Variants in ANKRD44 observed in about 807,000 individuals in gnomAD.
The protein encoded by ANKRD44 is serine/threonine-protein phosphatase 6 regulatory ankyrin repeat subunit B.
ANKRD44 carries 35 observed loss-of-function variants against 116.0 expected under a neutral mutation model. That is an observed-to-expected ratio of 0.30 (90% CI 0.23 to 0.40). The LOEUF (loss-of-function observed/expected upper bound fraction) is 0.40, where lower values mean the gene tolerates loss of function less well. Among genes scored for constraint, ANKRD44 ranks in the 10% least tolerant of loss-of-function variants. The pLI is 1.00. For synonymous variants in ANKRD44, 435 were observed against 461.8 expected, an observed-to-expected ratio of 0.94 and a Z score of 0.74; for missense variants, 1,014 against 1,242.6, an observed-to-expected ratio of 0.82 and a Z score of 2.77.
rs1034935571 is a variant in ANKRD44, at chr2:196,996,487, A to G, written c.2749-1026T>C. ...CATGGGTGCCAACTGGCTTCATACTATAATGCCTTGTATGGGAGACCCTTA... is the reference window on the plus strand; with the variant it reads ...CATGGGTGCCAACTGGCTTCATACTGTAATGCCTTGTATGGGAGACCCTTA... On this transcript the variant is annotated intron_variant, in intron 25 of 27. Coordinates refer to ENST00000282272, the MANE Select transcript of ANKRD44 (RefSeq NM_001195144.2). Among the ~76,000 whole-genome samples, 7 of 152,214 alleles carry G rather than the reference A, an allele frequency of 4.6e-5. No homozygotes were observed. The East Asian group carries it at 1.2e-3, about 25-fold the overall frequency.
At chr2:197,272,384 C>T (rs148278219) in intron 1 of ANKRD44, among the ~76,000 whole-genome samples, 34 of 152,146 alleles carry the variant, frequency 2.2e-4, no homozygotes, top group African/African-American at 8.2e-4. Context: ...ACTACAGGCA[C>T]GTGCCACCAC....
downstream of ANKRD44, among the ~76,000 whole-genome samples, chr2:196,982,108 T>TTTTATATCTATATA (rs150861089): frequency 3.1e-5 from 3 of 96,550 alleles, no homozygotes; most frequent in Non-Finnish European, 6.4e-5. Context: ...CTAAAAAAAA[T>TTTTATATCTATATA]TATATATATA....
intron 2 of ANKRD44, among the ~76,000 whole-genome samples, chr2:197,153,526 G>C (rs565156814): frequency 1.3e-5 from 2 of 152,244 alleles, no homozygotes; most frequent in East Asian, 1.9e-4. Context: ...TGGGAAGAAT[G>C]CTTGGCCTTA....
intron 1 of ANKRD44, among the ~76,000 whole-genome samples, chr2:197,247,742 C>A (rs2082224010): frequency 6.6e-6 from 1 of 152,172 alleles, no homozygotes. Context: ...AAGGCTCTCT[C>A]CAAATCAGGC....
chr2:197,038,437 A>G (rs577716828), intron 16 of ANKRD44, among the ~76,000 whole-genome samples: 1 of 152,362 alleles, frequency 6.6e-6, no homozygotes, highest in South Asian at 2.1e-4. Flanking sequence ...CTTATAACTG[A>G]AAAATGGTCT....
chr2:197,123,617 C>T (rs371420369), intron 6 of ANKRD44, among the ~76,000 whole-genome samples: 4 of 152,112 alleles, frequency 2.6e-5, no homozygotes, highest in African/African-American at 7.2e-5. Context: ...GGCAACAGAG[C>T]GAGACCTTGT....
chr2:197,245,388 T>C (rs1040099812), intron 1 of ANKRD44, among the ~76,000 whole-genome samples: 3 of 152,234 alleles, frequency 2.0e-5, no homozygotes, highest in Admixed American at 1.3e-4. Flanking sequence ...ATAGGTTATG[T>C]GCAAATACGA....
intron 16 of ANKRD44, among the ~76,000 whole-genome samples, chr2:197,046,567 A>G (rs1248463487): frequency 6.6e-6 from 1 of 152,112 alleles, no homozygotes; most frequent in Non-Finnish European, 1.5e-5. Context: ...CTTTCATTAA[A>G]AAGAGCTCCA....
rs563330555 is a variant in ANKRD44, at chr2:197,288,645, G to GAT, written c.27+21931_27+21932dup. On this transcript the variant is annotated intron_variant, in intron 1 of 27. Coordinates refer to ENST00000282272, the MANE Select transcript of ANKRD44 (RefSeq NM_001195144.2). Reference sequence around the variant, plus strand: ...TATATATATATACACATACACACGTGATATATATATATACACATATACACA... The same window carrying GAT: ...TATATATATATACACATACACACGTGATATATATATATATACACATATACACA... Among the ~76,000 whole-genome samples, 492 of 150,834 alleles carry GAT rather than the reference G, an allele frequency of 3.3e-3. 6 individuals carry two copies. The highest frequency in any genetic ancestry group is 0.011 in the African/African-American group (449 of 41,096).
chr2:197,289,345 T>C (rs1360970645), intron 1 of ANKRD44, among the ~76,000 whole-genome samples: 2 of 152,192 alleles, frequency 1.3e-5, no homozygotes, highest in African/African-American at 2.4e-5. Flanking sequence ...ACGACCACTT[T>C]GAAAAACAGT....
chr2:197,050,656 C>G (rs751098421), intron 16 of ANKRD44, among the ~76,000 whole-genome samples: 4 of 152,074 alleles, frequency 2.6e-5, no homozygotes, highest in Non-Finnish European at 5.9e-5. Context: ...CTCCTGACCT[C>G]AAGTGATCCA....
chr2:197,291,521 T>C (rs1216481345), intron 1 of ANKRD44, among the ~76,000 whole-genome samples: 1 of 151,864 alleles, frequency 6.6e-6, no homozygotes, highest in Non-Finnish European at 1.5e-5. Context: ...AAAAAATAAA[T>C]AATGTATAAT....
At chr2:197,114,096 G>T (rs2078652791) in intron 8 of ANKRD44, among the ~76,000 whole-genome samples, 1 of 152,160 alleles carries the variant, frequency 6.6e-6, no homozygotes, top group Non-Finnish European at 1.5e-5. Context: ...TTAAAGTTGA[G>T]ACTAGGGAAC....
chr2:197,065,886 C>G (rs1210250202), intron 16 of ANKRD44, among the ~76,000 whole-genome samples: 3 of 152,200 alleles, frequency 2.0e-5, no homozygotes, highest in Non-Finnish European at 4.4e-5. Flanking sequence ...ACCATTCCTT[C>G]TGAAACTGTT....
At chr2:196,968,054 C>T (rs186992450) in intron 21 of ANKRD44, among the ~76,000 whole-genome samples, 186 of 152,208 alleles carry the variant, frequency 1.2e-3, no homozygotes, top group Middle Eastern at 3.4e-3. Context: ...ACCACACTTC[C>T]GGTAAAGCCT....
chr2:197,027,698 T>A (rs1465517644), intron 16 of ANKRD44, among the ~76,000 whole-genome samples: 1 of 151,322 alleles, frequency 6.6e-6, no homozygotes, highest in Non-Finnish European at 1.5e-5. Flanking sequence ...TTTTTTTTTT[T>A]TTTTAAGAGA....
At chr2:197,113,179 C>T (rs1002321147) in intron 8 of ANKRD44, among the ~76,000 whole-genome samples, 6 of 152,114 alleles carry the variant, frequency 3.9e-5, no homozygotes, top group South Asian at 4.1e-4. Flanking sequence ...ACAAAACCAT[C>T]GCTGACCATG....
intron 16 of ANKRD44, among the ~76,000 whole-genome samples, chr2:197,066,016 C>T (rs2077425180): frequency 2.0e-5 from 3 of 152,196 alleles, no homozygotes; most frequent in African/African-American, 7.2e-5. Context: ...ATATCCCTGA[C>T]AAACATCAAT....
At chr2:197,008,008 C>CTCA in intron 19 of ANKRD44, 85 bp from the exon 20 acceptor site, 2 of 465,684 alleles carry the variant, frequency 4.3e-6, no homozygotes, top group Admixed American at 3.6e-5. Flanking sequence ...TCTCTTTCTC[C>CTCA]CATTCTCTTC....
Sources: allele counts gnomAD v4.1 joint callset (sites outside exome capture counted in the v4.1 genomes callset), GRCh38; gene constraint gnomAD v4.1.1; transcripts MANE v1.5; gene names NCBI Gene and HGNC (gene_info 2026-07-23, HGNC 2026-07-21).